Variants in GRIN2B observed in about 807,000 individuals in gnomAD.
GRIN2B encodes the protein glutamate ionotropic receptor NMDA type subunit 2B, also known as glutamate receptor ionotropic, NMDA 2B.
A neutral mutation model predicts 114.5 loss-of-function variants in GRIN2B; 5 were observed. The observed-to-expected ratio is 0.04, with a 90% confidence interval of 0.02 to 0.09. GRIN2B has a LOEUF of 0.09. Among genes scored for constraint, GRIN2B ranks in the 10% least tolerant of loss-of-function variants. GRIN2B has a pLI of 1.00. For synonymous variants in GRIN2B, 787 were observed against 745.1 expected, an observed-to-expected ratio of 1.06 and a Z score of -0.92; for missense variants, 1,108 against 1,943.5, an observed-to-expected ratio of 0.57 and a Z score of 8.08.
At chr12:13,930,474 G>GC (rs1445022822) in intron 2 of GRIN2B, among the ~76,000 whole-genome samples, 1 of 152,062 alleles carries the variant, frequency 6.6e-6, no homozygotes. Flanking sequence ...ATTCACCCAC[G>GC]CAACAGCAGC....
intron 5 of GRIN2B, 65 bp downstream of exon 5, chr12:13,675,680 A>C: frequency 2.0e-6 from 2 of 982,530 alleles, no homozygotes; most frequent in South Asian, 2.6e-5. Flanking sequence ...ACTTTCCTTC[A>C]TTGTGTTGCA....
At chr12:13,721,997 A>G (rs1479353472) in intron 4 of GRIN2B, among the ~76,000 whole-genome samples, 1 of 152,138 alleles carries the variant, frequency 6.6e-6, no homozygotes, top group Non-Finnish European at 1.5e-5. Context: ...CATTTCATCG[A>G]ATGCTGCAGA....
intron 4 of GRIN2B, among the ~76,000 whole-genome samples, chr12:13,705,511 GTT>G (rs1389990246): frequency 6.6e-6 from 1 of 152,046 alleles, no homozygotes; most frequent in African/African-American, 2.4e-5. Context: ...CCCAAAATGT[GTT>G]TGTATACCAC....
At chr12:13,600,365 A>G (rs1949140298) in intron 10 of GRIN2B, among the ~76,000 whole-genome samples, 1 of 152,186 alleles carries the variant, frequency 6.6e-6, no homozygotes, top group African/African-American at 2.4e-5. Flanking sequence ...AAACTTTCTG[A>G]TATCTATTTA....
rs376412686 is a variant in GRIN2B at position 13,557,334 on chromosome 12, A to C, written c.*5449T>G. 1.5e-3 allele frequency: 235 copies of C among 152,320 alleles called. 1 individual carries two copies. The highest frequency in any genetic ancestry group is 5.4e-3 in the African/African-American group (223 of 41,564). 9.4% of individuals were successfully genotyped at this position (152,320 alleles called of 1,614,324 possible). ...AGGTTAAGTAGCACCTGAGGTCATA[A>C]GTGGCTCTTTTACCAGATAACAGGG... On this transcript the variant is annotated 3_prime_UTR_variant, in exon 14 of 14. Coordinates refer to ENST00000609686, the MANE Select transcript of GRIN2B (RefSeq NM_000834.5).
chr12:13,898,174 C>T (rs1449487821), intron 2 of GRIN2B, among the ~76,000 whole-genome samples: 1 of 151,986 alleles, frequency 6.6e-6, no homozygotes, highest in East Asian at 1.9e-4. Context: ...AAAACAAATC[C>T]ACAGGCTGCA....
intron 2 of GRIN2B, among the ~76,000 whole-genome samples, chr12:13,973,724 A>G (rs1862970738): frequency 6.6e-6 from 1 of 152,240 alleles, no homozygotes; most frequent in Non-Finnish European, 1.5e-5. Flanking sequence ...TATGTAATGC[A>G]TCTTTAATAA....
intron 5 of GRIN2B, among the ~76,000 whole-genome samples, chr12:13,619,852 T>G (rs1949493831): frequency 6.6e-6 from 1 of 152,186 alleles, no homozygotes; most frequent in African/African-American, 2.4e-5. Context: ...GCAGTCTGAC[T>G]CCAGAGCTTG....
intron 5 of GRIN2B, among the ~76,000 whole-genome samples, chr12:13,638,698 A>T (rs937704428): frequency 3.9e-5 from 6 of 152,160 alleles, no homozygotes; most frequent in African/African-American, 1.4e-4. Flanking sequence ...ATTAGGACAC[A>T]GATGTCAGCC....
intron 4 of GRIN2B, among the ~76,000 whole-genome samples, chr12:13,702,089 G>A (rs1282429305): frequency 6.6e-6 from 1 of 152,166 alleles, no homozygotes; most frequent in African/African-American, 2.4e-5. Context: ...ATTTGTATAA[G>A]TGTTTTATAA....
chr12:13,823,798 A>AT (rs1261704665), intron 3 of GRIN2B, among the ~76,000 whole-genome samples: 1 of 152,128 alleles, frequency 6.6e-6, no homozygotes, highest in Non-Finnish European at 1.5e-5. Context: ...TTTTCCATAC[A>AT]TATCTTTATC....
chr12:13,771,516 T>C (rs1360014313), intron 3 of GRIN2B, among the ~76,000 whole-genome samples: 1 of 152,200 alleles, frequency 6.6e-6, no homozygotes, highest in Non-Finnish European at 1.5e-5. Flanking sequence ...GAATCAGAAA[T>C]TTAGATTCAA....
intron 3 of GRIN2B, among the ~76,000 whole-genome samples, chr12:13,857,990 CA>C (rs113362378): frequency 0.024 from 3,667 of 152,266 alleles, 78 homozygotes; most frequent in Middle Eastern, 0.054. Flanking sequence ...GCCAGTGAAC[CA>C]CCCCCAGCAG....
chr12:13,875,614 T>C (rs1865981702), intron 2 of GRIN2B, among the ~76,000 whole-genome samples: 1 of 152,194 alleles, frequency 6.6e-6, no homozygotes, highest in South Asian at 2.1e-4. Flanking sequence ...ATCTGCTCTG[T>C]AGCCCAGACA....
At chr12:13,790,333 G>A (rs1195370954) in intron 3 of GRIN2B, among the ~76,000 whole-genome samples, 6 of 152,116 alleles carry the variant, frequency 3.9e-5, no homozygotes, top group Non-Finnish European at 8.8e-5. Context: ...TGGCTCTTCA[G>A]ACTTTCCTGT....
At position 13,544,918 on chromosome 12, in the gene GRIN2B, T is replaced by C. The variant is rs12367391; in HGVS notation, c.*17865A>G. ...TCAACACAGCAGTCCCAAAGCTTCC[T>C]CTTCAACTGAAGTCAGATCATATCA... On this transcript the variant is annotated 3_prime_UTR_variant, in exon 14 of 14. Coordinates refer to ENST00000609686, the MANE Select transcript of GRIN2B (RefSeq NM_000834.5). The C allele has an allele frequency of 0.029, 4,370 of 152,372 alleles. 102 individuals carry two copies. Among genetic ancestry groups the C allele is most frequent in the East Asian group, 0.094 (487 of 5,178 alleles). The allele number at this position is 152,372 out of a possible 1,614,324, so 9.4% of individuals were successfully genotyped here.
At chr12:13,717,945 T>C (rs1950471888) in intron 4 of GRIN2B, among the ~76,000 whole-genome samples, 1 of 152,056 alleles carries the variant, frequency 6.6e-6, no homozygotes, top group African/African-American at 2.4e-5. Flanking sequence ...ACACTGAGGA[T>C]GCTCCGTCAG....
At chr12:13,905,697 C>T (rs940204471) in intron 2 of GRIN2B, among the ~76,000 whole-genome samples, 8 of 152,048 alleles carry the variant, frequency 5.3e-5, no homozygotes, top group Non-Finnish European at 7.4e-5. Context: ...AACTACAGAC[C>T]GAGAACCATC....
chr12:13,641,640 G>A (rs948366608), intron 5 of GRIN2B, among the ~76,000 whole-genome samples: 1 of 152,106 alleles, frequency 6.6e-6, no homozygotes, highest in Non-Finnish European at 1.5e-5. Context: ...TGAGTATGCT[G>A]TTTCGGTAAC....
Sources: gnomAD v4.1 joint callset for allele counts (sites outside exome capture counted in the v4.1 genomes callset) on GRCh38, gnomAD v4.1.1 for gene constraint, MANE v1.5 for transcripts, NCBI Gene and HGNC (gene_info 2026-07-23, HGNC 2026-07-21) for gene names.